Variants in CCDC25 observed in about 807,000 individuals in gnomAD.
CCDC25 encodes the protein coiled-coil domain-containing protein 25.
CCDC25 carries 16 observed loss-of-function variants against 35.3 expected under a neutral mutation model. The observed-to-expected ratio is 0.45, with a 90% CI of 0.31 to 0.69. The LOEUF is 0.69. Among genes scored for constraint, CCDC25 ranks in the 30% least tolerant of loss-of-function variants. CCDC25 has a pLI of 0.06. For synonymous variants in CCDC25, 79 were observed against 80.3 expected, an observed-to-expected ratio of 0.98 and a Z score of 0.09; for missense variants, 179 against 250.7, an observed-to-expected ratio of 0.71 and a Z score of 1.93.
chr8:27,759,007 AAACT>A (rs1325308180), intron 3 of CCDC25, among the ~76,000 whole-genome samples: 1 of 152,226 alleles, frequency 6.6e-6, no homozygotes, highest in African/African-American at 2.4e-5. Context: ...CTCTATAAAC[AAACT>A]ATCTTGAGCG....
intron 1 of CCDC25, among the ~76,000 whole-genome samples, chr8:27,768,504 G>A (rs1378135266): frequency 4.7e-5 from 7 of 147,898 alleles, no homozygotes; most frequent in Non-Finnish European, 8.9e-5. Context: ...GGCAGAAGTC[G>A]CAGTGAGTCG....
At chr8:27,760,033 G>T (rs1442642781) in intron 3 of CCDC25, among the ~76,000 whole-genome samples, 1 of 151,592 alleles carries the variant, frequency 6.6e-6, no homozygotes, top group Non-Finnish European at 1.5e-5. Flanking sequence ...GGGTTTTGAG[G>T]TCTACACCTA....
intron 2 of CCDC25, among the ~76,000 whole-genome samples, chr8:27,764,929 A>G (rs184405773): frequency 1.1e-4 from 16 of 152,352 alleles, no homozygotes; most frequent in Admixed American, 5.9e-4. Flanking sequence ...TTAATGGTGA[A>G]GCAGTCTGCA....
At chr8:27,747,966 T>G (rs987233498) in intron 7 of CCDC25, 111 bp downstream of exon 7, 1 of 1,040,072 alleles carries the variant, frequency 9.6e-7, no homozygotes, top group Non-Finnish European at 1.4e-6. Context: ...AAGCTGAGCT[T>G]GTTACATGTC....
At chr8:27,771,253 T>C (rs748484381) in intron 1 of CCDC25, among the ~76,000 whole-genome samples, 229 of 152,192 alleles carry the variant, frequency 1.5e-3, no homozygotes, top group Non-Finnish European at 2.3e-3. Context: ...AACGGTATAC[T>C]GTACAGCCTA....
chr8:27,752,698 G>A, intron 4 of CCDC25, 111 bp from the exon 5 acceptor site: 1 of 720,546 alleles, frequency 1.4e-6, no homozygotes, highest in Admixed American at 2.3e-5. Context: ...ACTAAAAGCA[G>A]AGGTTCTTCA....
At position 27,756,934 on chromosome 8, in the gene CCDC25, C is replaced by T. The variant is rs775834131; in HGVS notation, c.117-164G>A. ...CACAGTCACCACCTCCAAAGGGCTC[C>T]CCATCACCATGAAGAGGTACGAGAA... On this transcript the variant is annotated intron_variant, in intron 3 of 8. Coordinates refer to ENST00000356537, the MANE Select transcript of CCDC25 (RefSeq NM_018246.3). 3.6e-4 allele frequency among the ~76,000 whole-genome samples: 54 copies of T among 152,094 alleles called. 2 individuals carry two copies. The highest frequency in any genetic ancestry group is 3.9e-4 in the Admixed American group (6 of 15,266).
chr8:27,772,628 G>T lies in CCDC25; in HGVS notation c.-88C>A, dbSNP rs1255322536. ...GATACCAGACTCGCGGCGGCCGCCT[G>T]GCCCCCGGAACTCCTCCGTGCACTT... On this transcript the variant is annotated 5_prime_UTR_variant, in exon 1 of 9. Transcript: ENST00000356537. 3.4e-5 allele frequency: 47 copies of T among 1,391,580 alleles called. No individual in the cohort carries two copies. Among genetic ancestry groups the T allele is most frequent in the Admixed American group, 3.3e-4 (16 of 48,698 alleles). The allele number at this position is 1,391,580 out of a possible 1,614,324, so 86.2% of individuals were successfully genotyped here.
At position 27,737,262 on chromosome 8, in the gene CCDC25, T is replaced by C. The variant is rs17385833; in HGVS notation, c.598-1017A>G. 0.068 allele frequency among the ~76,000 whole-genome samples: 10,285 copies of C among 152,248 alleles called. 492 individuals carry two copies. Among genetic ancestry groups the C allele is most frequent in the Non-Finnish European group, 0.1 (6,776 of 68,000 alleles). On this transcript the variant is annotated intron_variant, in intron 8 of 8. Coordinates refer to ENST00000356537, the MANE Select transcript of CCDC25 (RefSeq NM_018246.3). This position sits in a 1 kb window ranked among gnomAD's most constrained non-coding sequence, Gnocchi z 4.6. ...TTATATCCAGGCGCAAAGACTATGA[T>C]TGCCCCAGAGTCTTAATCTGAAATA...
rs372496977 is a variant in CCDC25, at chr8:27,745,753, G to A, written c.551+2324C>T. 9.8e-5 allele frequency among the ~76,000 whole-genome samples: 15 copies of A among 152,332 alleles called. No homozygotes were observed. The South Asian group carries it at 2.1e-3, about 21-fold the overall frequency. ...TCCATTCCCGGCACTGCAGCCCTGT[G>A]CCACGTTCTTCTGTCTTCTGCAGCA... On this transcript the variant is annotated intron_variant, in intron 7 of 8. Transcript: ENST00000356537.
At chr8:27,765,163 C>A in intron 2 of CCDC25, 41 bp downstream of exon 2, 1 of 1,482,650 alleles carries the variant, frequency 6.7e-7, no homozygotes, top group Non-Finnish European at 9.1e-7. Flanking sequence ...ATAACACTTA[C>A]CTGCTGAAAA....
intron 3 of CCDC25, among the ~76,000 whole-genome samples, chr8:27,760,988 G>A (rs2128944978): frequency 1.3e-5 from 2 of 152,222 alleles, no homozygotes; most frequent in South Asian, 4.1e-4. Flanking sequence ...AATTAGCCAG[G>A]CATGATGATG....
chr8:27,753,090 A>C (rs1212637791), intron 4 of CCDC25: 1 of 115,134 alleles, frequency 8.7e-6, no homozygotes, highest in Non-Finnish European at 1.9e-5. Context: ...GTAGATCTCA[A>C]CCATTCACTG....
intron 2 of CCDC25, among the ~76,000 whole-genome samples, 184 bp downstream of exon 2, chr8:27,765,020 C>G (rs548715364): frequency 1.3e-5 from 2 of 152,230 alleles, no homozygotes; most frequent in Admixed American, 1.3e-4. Flanking sequence ...AAGCATTTTT[C>G]TTATGTAGCT....
chr8:27,749,153 A>AGAAGTCAT, intron 5 of CCDC25, among the ~76,000 whole-genome samples: 1 of 152,352 alleles, frequency 6.6e-6, no homozygotes, highest in South Asian at 2.1e-4. Context: ...AAGAAAACAC[A>AGAAGTCAT]GAAGTCATCA....
chr8:27,736,305 T>C (rs532650614), intron 8 of CCDC25, 60 bp from the exon 9 acceptor site: 1 of 1,376,184 alleles, frequency 7.3e-7, no homozygotes, highest in Non-Finnish European at 1.0e-6. Context: ...TATTTAAAAT[T>C]TACAATTATC....
At position 27,733,754 on chromosome 8, in the gene CCDC25, C is replaced by T. The variant is rs1439278023; in HGVS notation, c.*2462G>A. On this transcript the variant is annotated 3_prime_UTR_variant, in exon 9 of 9. Transcript: ENST00000356537. ...AAAGAAAAAGCACGCGTCAATATCA[C>T]GCGTAGGAAAAACTAGAAAATTGTT... is the stretch of plus-strand genomic sequence containing the variant. The T allele has an allele frequency of 2.6e-5, 4 of 152,320 alleles. No homozygotes were observed. Among genetic ancestry groups the T allele is most frequent in the East Asian group, 1.9e-4 (1 of 5,184 alleles). The allele number at this position is 152,320 out of a possible 1,614,324, so 9.4% of individuals were successfully genotyped here. A position where few individuals can be genotyped will look rare whatever the true frequency, so the allele number is the denominator to read the frequency against.
intron 8 of CCDC25, among the ~76,000 whole-genome samples, chr8:27,739,142 C>G (rs981131478): frequency 6.6e-6 from 1 of 152,122 alleles, no homozygotes; most frequent in African/African-American, 2.4e-5. Context: ...TTTAATCCCC[C>G]CCACCTCAAT....
chr8:27,740,865 T>C (rs905229568), intron 7 of CCDC25, among the ~76,000 whole-genome samples: 29 of 152,172 alleles, frequency 1.9e-4, no homozygotes, highest in African/African-American at 6.3e-4. Flanking sequence ...AGCTGAGGTA[T>C]ACAGCTCAGA....
Sources: gnomAD v4.1 joint callset for allele counts (sites outside exome capture counted in the v4.1 genomes callset) on GRCh38, gnomAD v4.1.1 for gene constraint, Gnocchi (gnomAD v3.1) non-coding constraint, MANE v1.5 for transcripts, NCBI Gene and HGNC (gene_info 2026-07-23, HGNC 2026-07-21) for gene names.